Variants in STAU2 observed in about 807,000 individuals in gnomAD.
STAU2 encodes double-stranded RNA-binding protein Staufen homolog 2.
A neutral mutation model predicts 65.9 loss-of-function variants in STAU2; 20 were observed. The observed-to-expected ratio is 0.30, with a 90% CI of 0.21 to 0.44. STAU2 has a LOEUF of 0.44. Among genes scored for constraint, STAU2 ranks in the 20% least tolerant of loss-of-function variants. The probability of loss-of-function intolerance (pLI) is 1.00; values close to 1 mark genes in which losing one functional copy is unlikely to be tolerated. For synonymous variants in STAU2, 232 were observed against 233.9 expected, an observed-to-expected ratio of 0.99 and a Z score of 0.07; for missense variants, 558 against 683.9, an observed-to-expected ratio of 0.82 and a Z score of 2.05.
At chr8:73,685,079 A>C (rs1428984480) in intron 5 of STAU2, among the ~76,000 whole-genome samples, 31 of 152,132 alleles carry the variant, frequency 2.0e-4, no homozygotes, top group Admixed American at 2.0e-3. Flanking sequence ...TAGTTTTGTA[A>C]GGGTTTGGCA....
At chr8:73,593,328 C>T (rs1810956344) in intron 11 of STAU2, among the ~76,000 whole-genome samples, 1 of 152,218 alleles carries the variant, frequency 6.6e-6, no homozygotes, top group Non-Finnish European at 1.5e-5. Flanking sequence ...TTCAAACCTT[C>T]TACTTCGCAT....
chr8:73,733,509 AAATATTATGGT>A (rs1409480808), intron 3 of STAU2, among the ~76,000 whole-genome samples: 1 of 152,240 alleles, frequency 6.6e-6, no homozygotes, highest in Non-Finnish European at 1.5e-5. Context: ...CCATACTGGT[AAATATTATGGT>A]ACCCCAGAAA....
chr8:73,489,059 T>C (rs1821046530), intron 13 of STAU2, among the ~76,000 whole-genome samples: 1 of 151,972 alleles, frequency 6.6e-6, no homozygotes, highest in South Asian at 2.1e-4. Flanking sequence ...GTACTGCTGT[T>C]AGCAGTACTT....
chr8:73,657,495 G>A (rs1217075874), intron 6 of STAU2, among the ~76,000 whole-genome samples: 1 of 152,082 alleles, frequency 6.6e-6, no homozygotes, highest in Non-Finnish European at 1.5e-5. Flanking sequence ...TAAAACAATG[G>A]TCGAAGGAGA....
At chr8:73,429,073 C>A (rs191887764) in intron 13 of STAU2, among the ~76,000 whole-genome samples, 212 of 152,340 alleles carry the variant, frequency 1.4e-3, no homozygotes, top group African/African-American at 5.1e-3. Flanking sequence ...AGTCCCTTAT[C>A]TACCTGATCA....
intron 3 of STAU2, among the ~76,000 whole-genome samples, chr8:73,735,710 T>C (rs1192790486): frequency 6.6e-6 from 1 of 152,188 alleles, no homozygotes; most frequent in Non-Finnish European, 1.5e-5. Flanking sequence ...CTGTGTACGA[T>C]TTCTAGCCAA....
chr8:73,598,346 G>A (rs1036912357), intron 10 of STAU2, among the ~76,000 whole-genome samples: 4 of 150,544 alleles, frequency 2.7e-5, no homozygotes, highest in African/African-American at 4.9e-5. Flanking sequence ...TCCTGCCTCA[G>A]CCTCCTGAGT....
intron 4 of STAU2, among the ~76,000 whole-genome samples, chr8:73,702,303 G>A (rs970284977): frequency 4.6e-5 from 7 of 152,106 alleles, no homozygotes; most frequent in Admixed American, 3.3e-4. Flanking sequence ...TCCATTATGT[G>A]ATTATTATGC....
chr8:73,580,754 T>C (rs1437617477), intron 12 of STAU2, among the ~76,000 whole-genome samples: 4 of 152,208 alleles, frequency 2.6e-5, no homozygotes, highest in Admixed American at 6.5e-5. Flanking sequence ...CCTTGGGGAA[T>C]GAAACAGCTA....
At chr8:73,747,045 C>T, upstream of STAU2, 1 of 217,792 alleles carries the variant, frequency 4.6e-6, no homozygotes, top group Non-Finnish European at 8.1e-6. Flanking sequence ...CGCCTCCCGC[C>T]GGCCCGCGAC....
At chr8:73,429,947 G>A (rs111674365) in intron 13 of STAU2, among the ~76,000 whole-genome samples, 46 of 152,322 alleles carry the variant, frequency 3.0e-4, no homozygotes, top group African/African-American at 1.1e-3. Context: ...CCCGTCAGCA[G>A]TCCGCTTCCA....
chr8:73,533,803 T>G (rs897842294), intron 13 of STAU2, among the ~76,000 whole-genome samples: 2 of 152,242 alleles, frequency 1.3e-5, no homozygotes, highest in South Asian at 4.1e-4. Context: ...TTTCATGCTG[T>G]TTTGAAAATA....
intron 13 of STAU2, among the ~76,000 whole-genome samples, chr8:73,446,283 T>C (rs1253171538): frequency 2.0e-5 from 3 of 152,118 alleles, no homozygotes; most frequent in Non-Finnish European, 4.4e-5. Context: ...GGGCTGGGGA[T>C]GGTGGGGAAG....
At position 73,547,654 on chromosome 8, in the gene STAU2, G is replaced by A. The variant is rs1807026851; in HGVS notation, c.1530+4358C>T. Among the ~76,000 whole-genome samples the A allele has an allele frequency of 2.6e-5, 4 of 152,110 alleles. 1 individual carries two copies. The South Asian group carries it at 8.3e-4, about 31-fold the overall frequency. On this transcript the variant is annotated intron_variant, in intron 13 of 14. Coordinates refer to ENST00000524300, the MANE Select transcript of STAU2 (RefSeq NM_001164380.2). Reference sequence around the variant, plus strand: ...GGTCAAATTCAAGAGAGCTTTTTAAGAATTTTTAAGATTTTAATGGCAAAT... The same window carrying A: ...GGTCAAATTCAAGAGAGCTTTTTAAAAATTTTTAAGATTTTAATGGCAAAT...
At chr8:73,635,932 ACACACACACACACACACACC>A (rs922321907) in intron 6 of STAU2, among the ~76,000 whole-genome samples, 3 of 109,086 alleles carry the variant, frequency 2.8e-5, no homozygotes, top group African/African-American at 3.6e-5. Flanking sequence ...ACACACACAC[ACACACACACACACACACACC>A]CCTGGAACCA....
chr8:73,499,791 AAGAT>A (rs1433604474), intron 13 of STAU2, among the ~76,000 whole-genome samples: 1 of 151,880 alleles, frequency 6.6e-6, no homozygotes, highest in East Asian at 1.9e-4. Context: ...ACTGGAGAAG[AAGAT>A]AAAGATAGAT....
intron 13 of STAU2, among the ~76,000 whole-genome samples, chr8:73,445,902 T>C (rs1041827374): frequency 2.0e-4 from 30 of 152,240 alleles, no homozygotes; most frequent in Non-Finnish European, 1.9e-4. Flanking sequence ...TCAGCCACTC[T>C]GGAAAAATAG....
intron 3 of STAU2, among the ~76,000 whole-genome samples, chr8:73,723,172 A>C (rs1178490799): frequency 6.6e-6 from 1 of 152,108 alleles, no homozygotes; most frequent in African/African-American, 2.4e-5. Flanking sequence ...AACAATCTAG[A>C]GAAGCCAATT....
chr8:73,648,409 T>C (rs976806348), intron 6 of STAU2, among the ~76,000 whole-genome samples: 1 of 152,236 alleles, frequency 6.6e-6, no homozygotes, highest in Non-Finnish European at 1.5e-5. Flanking sequence ...TCATAAATGA[T>C]ACTGAGCAAA....
Sources: allele counts gnomAD v4.1 joint callset (sites outside exome capture counted in the v4.1 genomes callset), GRCh38; gene constraint gnomAD v4.1.1; transcripts MANE v1.5; gene names NCBI Gene and HGNC (gene_info 2026-07-23, HGNC 2026-07-21).